NUS1: variants seen among roughly 807,000 people sequenced by gnomAD.
NUS1 encodes NUS1 dehydrodolichyl diphosphate synthase subunit, also known as dehydrodolichyl diphosphate synthase complex subunit NUS1.
For synonymous variants in NUS1, 135 were observed against 155.2 expected (o/e 0.87, Z 0.97); for missense variants, 292 against 382.9 (o/e 0.76, Z 1.98).
intron 1 of NUS1, among the ~76,000 whole-genome samples, chr6:117,684,243 T>C (rs1056701015): frequency 3.9e-5 from 6 of 152,346 alleles, no homozygotes; most frequent in Admixed American, 1.3e-4. Context: ...ATCCCATGGA[T>C]TTAAATGTCA....
At chr6:117,696,425 C>A (rs577404452) in intron 3 of NUS1, among the ~76,000 whole-genome samples, 23 of 151,904 alleles carry the variant, frequency 1.5e-4, no homozygotes, top group African/African-American at 4.8e-4. Context: ...TTATAGAACA[C>A]CAAGCAGATT....
At chr6:117,692,978 A>C in intron 1 of NUS1, 64 bp from the exon 2 acceptor site, 2 of 1,337,608 alleles carry the variant, frequency 1.5e-6, no homozygotes, top group Non-Finnish European at 2.1e-6. Flanking sequence ...TTTCATAGCA[A>C]GCATTCACTT....
chr6:117,676,149 G>T (rs1036731365), intron 1 of NUS1, 64 bp downstream of exon 1: 1 of 1,546,916 alleles, frequency 6.5e-7, no homozygotes, highest in Non-Finnish European at 8.7e-7. Flanking sequence ...CGCTGGTCTG[G>T]CGGGTGGTGC....
In NUS1 at chr6:117,709,865, C is replaced by A. The variant is rs1206390403; in HGVS notation, c.*2850C>A. 6.6e-6 allele frequency: 1 copy of A among 152,454 alleles called. No individual in the cohort carries two copies. The highest frequency in any genetic ancestry group is 2.4e-5 in the African/African-American group (1 of 41,400). 9.4% of individuals were successfully genotyped at this position (152,454 alleles called of 1,614,324 possible). Reference sequence around the variant, plus strand: ...TACATTTGTTCTGAACACTTAGGGGCTGCAAAAATGTAATAAGAAATGCAT... The same window carrying A: ...TACATTTGTTCTGAACACTTAGGGGATGCAAAAATGTAATAAGAAATGCAT... On this transcript the variant is annotated 3_prime_UTR_variant, in exon 5 of 5. Transcript: ENST00000368494.
rs1371808429 is a variant in NUS1 at position 117,675,563 on chromosome 6, C to T, written c.-108C>T. On this transcript the variant is annotated 5_prime_UTR_variant, in exon 1 of 5. Transcript: ENST00000368494. Reference sequence around the variant, plus strand: ...TGGAAAGGGGTTCGGGCTCGGGGGGCGGGGGGACGCGGAGCGATGGCCCGC... The same window carrying T: ...TGGAAAGGGGTTCGGGCTCGGGGGGTGGGGGGACGCGGAGCGATGGCCCGC... The T allele has an allele frequency of 8.3e-6, 9 of 1,090,670 alleles. No homozygotes were observed. Among genetic ancestry groups the T allele is most frequent in the African/African-American group, 6.7e-5 (3 of 45,060 alleles). The allele number at this position is 1,090,670 out of a possible 1,614,324, so 67.6% of individuals were successfully genotyped here.
In NUS1 at chr6:117,686,852, ATGTGTGTGTGTGTGTG is replaced by A. The variant is rs56080181; in HGVS notation, c.416-6158_416-6143del. On this transcript the variant is annotated intron_variant, in intron 1 of 4. Transcript: ENST00000368494. ...TTCTTGTGTATCATGTGAAGTGTGT[ATGTGTGTGTGTGTGTG>A]TGTGTGTGTGTGTGTGTGTGTGTGT... 4.5e-3 allele frequency among the ~76,000 whole-genome samples: 631 copies of A among 139,390 alleles called. 4 individuals are homozygous for A. Among genetic ancestry groups the A allele is most frequent in the African/African-American group, 0.014 (514 of 35,884 alleles). The allele number at this position is 139,390 out of a possible 152,430, so 91.4% of individuals were successfully genotyped here.
intron 2 of NUS1, 147 bp from the exon 3 acceptor site, chr6:117,693,884 A>G (rs1443317743): frequency 8.6e-6 from 6 of 699,052 alleles, no homozygotes; most frequent in Admixed American, 3.4e-5. Flanking sequence ...GTATGTTTTG[A>G]TATTGAAATT....
chr6:117,706,872 C>T (rs761072379), intron 4 of NUS1, 53 bp from the exon 5 acceptor site: 3 of 1,403,436 alleles, frequency 2.1e-6, no homozygotes, highest in African/African-American at 1.4e-5. Context: ...TGGTTCCCCC[C>T]TACATTACAG....
At chr6:117,704,384 T>C (rs998691659) in intron 4 of NUS1, among the ~76,000 whole-genome samples, 1 of 152,182 alleles carries the variant, frequency 6.6e-6, no homozygotes, top group Non-Finnish European at 1.5e-5. Flanking sequence ...TTAGGCAAAC[T>C]TTTTTTGTAA....
chr6:117,704,634 T>A (rs1394178036), intron 4 of NUS1, among the ~76,000 whole-genome samples: 1 of 152,202 alleles, frequency 6.6e-6, no homozygotes, highest in Non-Finnish European at 1.5e-5. Context: ...TTAAAATATA[T>A]GTAAATGCTG....
chr6:117,685,231 C>CG (rs1773119746), intron 1 of NUS1, among the ~76,000 whole-genome samples: 1 of 152,084 alleles, frequency 6.6e-6, no homozygotes, highest in Non-Finnish European at 1.5e-5. Context: ...TCTTCTTTCA[C>CG]GGAAGTTGAA....
At chr6:117,689,230 A>G (rs1463850641) in intron 1 of NUS1, among the ~76,000 whole-genome samples, 1 of 152,182 alleles carries the variant, frequency 6.6e-6, no homozygotes, top group African/African-American at 2.4e-5. Flanking sequence ...GAGGAGAGGT[A>G]GTGAATATTC....
At chr6:117,677,195 ACT>A (rs981289823) in intron 1 of NUS1, among the ~76,000 whole-genome samples, 1 of 151,952 alleles carries the variant, frequency 6.6e-6, no homozygotes, top group African/African-American at 2.4e-5. Context: ...AATTCCATGG[ACT>A]CTCAGGCTTG....
At chr6:117,704,947 C>G (rs1252168398) in intron 4 of NUS1, among the ~76,000 whole-genome samples, 1 of 152,136 alleles carries the variant, frequency 6.6e-6, no homozygotes, top group Non-Finnish European at 1.5e-5. Context: ...GCTAAAGATA[C>G]ATGTTTGGGG....
intron 3 of NUS1, 58 bp downstream of exon 3, chr6:117,694,238 T>G (rs1340902749): frequency 9.9e-7 from 1 of 1,007,540 alleles, no homozygotes; most frequent in African/African-American, 1.7e-5. Flanking sequence ...TGTGTTTAGT[T>G]TTGTCACACG....
chr6:117,705,971 G>A (rs1177351876), intron 4 of NUS1, among the ~76,000 whole-genome samples: 1 of 152,158 alleles, frequency 6.6e-6, no homozygotes, highest in Admixed American at 6.5e-5. Flanking sequence ...GCTAAAGACA[G>A]GCAGGAGTCC....
rs1200846194 is a variant in NUS1, at chr6:117,698,733, G to A, written c.691+4553G>A. Reference sequence around the variant, plus strand: ...ACACATCAAAAAAAGAAAATTACAAGCCAGTACCACTGATAAATGTTCATG... The same window carrying A: ...ACACATCAAAAAAAGAAAATTACAAACCAGTACCACTGATAAATGTTCATG... On this transcript the variant is annotated intron_variant, in intron 3 of 4. Coordinates refer to ENST00000368494, the MANE Select transcript of NUS1 (RefSeq NM_138459.5). 2.0e-5 allele frequency among the ~76,000 whole-genome samples: 3 copies of A among 152,006 alleles called. No homozygotes were observed. In the East Asian group the frequency reaches 5.8e-4, roughly 29 times the overall value.
intron 3 of NUS1, among the ~76,000 whole-genome samples, chr6:117,700,975 A>G (rs968012165): frequency 1.5e-4 from 23 of 151,804 alleles, no homozygotes; most frequent in African/African-American, 5.3e-4. Flanking sequence ...GGAGTGAGCC[A>G]GCAGGGAAGT....
In NUS1 at chr6:117,710,195, T is replaced by G. The variant is rs955752011; in HGVS notation, c.*3180T>G. ...GTAAGAGTTATGGTTTGTCTTATGC[T>G]GCATAGACTATTCACCTCCTAACTT... On this transcript the variant is annotated 3_prime_UTR_variant, in exon 5 of 5. Transcript: ENST00000368494. 6.6e-6 allele frequency: 1 copy of G among 152,198 alleles called. No individual in the cohort carries two copies. Among genetic ancestry groups the G allele is most frequent in the African/African-American group, 2.4e-5 (1 of 41,464 alleles). The allele number at this position is 152,198 out of a possible 1,614,324, so 9.4% of individuals were successfully genotyped here.
Sources: allele counts gnomAD v4.1 joint callset (sites outside exome capture counted in the v4.1 genomes callset), GRCh38; gene constraint gnomAD v4.1.1; transcripts MANE v1.5; gene names NCBI Gene and HGNC (gene_info 2026-07-23, HGNC 2026-07-21).